The following SYNE1 variants were observed in gnomAD, a reference collection of about 807,000 sequenced individuals.
SYNE1 encodes spectrin repeat containing nuclear envelope protein 1.
Under a neutral mutation model 1,111.0 loss-of-function variants are expected in SYNE1, and 616 were observed. The observed-to-expected ratio is 0.55, with a 90% confidence interval of 0.52 to 0.59. The LOEUF (loss-of-function observed/expected upper bound fraction) is 0.59, where lower values mean the gene tolerates loss of function less well. Among genes scored for constraint, SYNE1 ranks in the 20% least tolerant of loss-of-function variants. The pLI, the probability that SYNE1 is intolerant of heterozygous loss-of-function variation, is 0.00. For missense variants in SYNE1, 10,006 were observed against 10,417.0 expected (o/e 0.96, Z 1.72); for synonymous variants, 3,855 against 3,825.8 (o/e 1.01, Z -0.28).
At chr6:152,272,294 G>A (rs1435989291) in intron 98 of SYNE1, among the ~76,000 whole-genome samples, 3 of 152,192 alleles carry the variant, frequency 2.0e-5, no homozygotes. Flanking sequence ...TCTCTGAGGT[G>A]TGATAACAGT....
At chr6:152,610,696 G>C (rs867749243) in intron 3 of SYNE1, among the ~76,000 whole-genome samples, 2 of 152,148 alleles carry the variant, frequency 1.3e-5, no homozygotes, top group Non-Finnish European at 2.9e-5. Context: ...ATAATTGTCA[G>C]ATTCAGCAAG....
In SYNE1 at chr6:152,627,954, C is replaced by A. The variant is rs547997526; in HGVS notation, c.67+311G>T. The stretch of plus-strand genomic sequence containing the variant: ...ATGTATTGTCACTGGTATTATTGAA[C>A]AACAGCAGCAGTACATTTGACAATA... On this transcript the variant is annotated intron_variant, in intron 3 of 145. Coordinates refer to ENST00000367255, the MANE Select transcript of SYNE1 (RefSeq NM_182961.4). Among the ~76,000 whole-genome samples, 5 of 145,438 alleles carry A rather than the reference C, an allele frequency of 3.4e-5. No homozygotes were observed. In the Admixed American group the frequency reaches 3.6e-4, roughly 10 times the overall value.
intron 8 of SYNE1, among the ~76,000 whole-genome samples, chr6:152,506,855 G>A (rs2099060954): frequency 1.3e-5 from 2 of 152,138 alleles, no homozygotes; most frequent in African/African-American, 4.8e-5. Context: ...GGGATTACAG[G>A]TGTGAGCCAT....
chr6:152,600,572 A>T (rs1006224940), intron 3 of SYNE1, among the ~76,000 whole-genome samples: 1 of 152,194 alleles, frequency 6.6e-6, no homozygotes, highest in African/African-American at 2.4e-5. Flanking sequence ...TTGCTGGCAA[A>T]TAATGCAAAA....
At chr6:152,369,150 T>C in intron 60 of SYNE1, 23 bp from the exon 61 acceptor site, 5 of 1,610,820 alleles carry the variant, frequency 3.1e-6, no homozygotes, top group Non-Finnish European at 4.2e-6. Context: ...AGCAAGTTAC[T>C]ATTCAGAGGC....
intron 130 of SYNE1, chr6:152,168,491 G>C (rs186868539): frequency 3.1e-4 from 109 of 355,992 alleles, no homozygotes; most frequent in Non-Finnish European, 5.0e-4. Context: ...GAAGCTACAG[G>C]TCTAAAGAAA....
intron 3 of SYNE1, among the ~76,000 whole-genome samples, chr6:152,593,337 C>T (rs1212745669): frequency 1.3e-5 from 2 of 152,098 alleles, no homozygotes; most frequent in Non-Finnish European, 2.9e-5. Context: ...GTAATCCCAG[C>T]ACTTTGGGAG....
chr6:152,457,198 CTTA>C (rs2308139), intron 22 of SYNE1, among the ~76,000 whole-genome samples: 32,003 of 151,896 alleles, frequency 0.21, 3,509 homozygotes, highest in East Asian at 0.32. Context: ...TATAGTGCCA[CTTA>C]TTATATGCTA....
At chr6:152,479,523 C>T (rs772733421) in intron 14 of SYNE1, among the ~76,000 whole-genome samples, 1 of 152,148 alleles carries the variant, frequency 6.6e-6, no homozygotes, top group African/African-American at 2.4e-5. Flanking sequence ...GACAACCTGG[C>T]TCATCAGCTA....
chr6:152,623,480 A>T (rs2099679823), intron 3 of SYNE1, among the ~76,000 whole-genome samples: 1 of 152,198 alleles, frequency 6.6e-6, no homozygotes, highest in African/African-American at 2.4e-5. Flanking sequence ...TTACATGATG[A>T]AGATGCCAAA....
Position 152,352,248 on chromosome 6 carries a change from T to G in SYNE1, c.11359A>C (p.Arg3787=). ...TCCATGTGATCATGAATCTCCTTTC[T>G]TAACCTCTCTGCCTCGCCTTCCTCC... ...YLEEGEAERL[R]KEIHDHMEQL... Residue 3787 remains arginine, a synonymous_variant, in exon 70 of 146, where the codon AGA becomes CGA. Coordinates refer to ENST00000367255, the MANE Select transcript of SYNE1 (RefSeq NM_182961.4). 6.2e-7 allele frequency: 1 copy of G among 1,614,170 alleles called. No individual in the cohort carries two copies. The highest frequency in any genetic ancestry group is 8.5e-7 in the Non-Finnish European group (1 of 1,180,010).
At chr6:152,153,112 C>T (rs1389708676) in intron 133 of SYNE1, among the ~76,000 whole-genome samples, 1 of 152,206 alleles carries the variant, frequency 6.6e-6, no homozygotes, top group Non-Finnish European at 1.5e-5. Context: ...TTTTCCTTGG[C>T]TCATCACACT....
intron 14 of SYNE1, among the ~76,000 whole-genome samples, chr6:152,477,572 A>C (rs1055545935): frequency 1.2e-4 from 18 of 152,152 alleles, no homozygotes; most frequent in African/African-American, 4.1e-4. Context: ...AATTGCAACA[A>C]CACCTAATAT....
rs1235810269 is a variant in SYNE1, at chr6:152,166,559, A to G, written c.23628-2234T>C. Among the ~76,000 whole-genome samples, 3 of 152,222 alleles carry G rather than the reference A, an allele frequency of 2.0e-5. No individual in the cohort carries two copies. The East Asian group carries it at 5.8e-4, about 29-fold the overall frequency. ...TGTTCCATAGGACCGTCTACATTAG[A>G]AAAATAAATTACAGGATAGCTTTTG... is the stretch of plus-strand genomic sequence containing the variant. On this transcript the variant is annotated intron_variant, in intron 130 of 145. Coordinates refer to ENST00000367255, the MANE Select transcript of SYNE1 (RefSeq NM_182961.4).
chr6:152,141,469 C>T (rs2058541904), intron 138 of SYNE1, 140 bp from the exon 139 acceptor site: 6 of 1,171,874 alleles, frequency 5.1e-6, no homozygotes, highest in Non-Finnish European at 7.4e-6. Flanking sequence ...AAAAATAAGC[C>T]AAGATGGCCG....
chr6:152,381,358 A>T lies in SYNE1; in HGVS notation c.8657T>A (p.Leu2886Gln), dbSNP rs1177316958. The T allele has an allele frequency of 1.7e-5, 27 of 1,613,102 alleles. No homozygotes were observed. The highest frequency in any genetic ancestry group is 2.3e-5 in the Non-Finnish European group (27 of 1,180,028). Residue 2886 changes from leucine (L) to glutamine (Q), a missense_variant, in exon 56 of 146, where the codon CTG becomes CAG. Physicochemically the swap from Leu to Gln is moderately radical, Grantham distance 113. Coordinates refer to ENST00000367255, the MANE Select transcript of SYNE1 (RefSeq NM_182961.4). Reference sequence around the variant, plus strand: ...TGCACCAATCTCTCTGGAATCTATCAGCTCCTGTAATGGAATATCACCATG... The same window carrying T: ...TGCACCAATCTCTCTGGAATCTATCTGCTCCTGTAATGGAATATCACCATG... The part of the protein sequence containing the change: ...TQKKLSKIKE[L>Q]IDSREIGASR...
At chr6:152,589,825 A>G (rs2099553147) in intron 3 of SYNE1, among the ~76,000 whole-genome samples, 1 of 152,046 alleles carries the variant, frequency 6.6e-6, no homozygotes, top group South Asian at 2.1e-4. Flanking sequence ...TTCAATACAC[A>G]TTCTTTCATA....
At chr6:152,449,006 C>A (rs1423148146) in intron 28 of SYNE1, among the ~76,000 whole-genome samples, 1 of 152,152 alleles carries the variant, frequency 6.6e-6, no homozygotes, top group Non-Finnish European at 1.5e-5. Context: ...TGAGAGAGTG[C>A]CATTTACAGA....
At chr6:152,447,316 C>T in intron 29 of SYNE1, 142 bp downstream of exon 29, 1 of 909,344 alleles carries the variant, frequency 1.1e-6, no homozygotes, top group South Asian at 1.6e-5. Flanking sequence ...CAACAAGCTT[C>T]ATACAAAAAA....
Sources: gnomAD v4.1 joint callset for allele counts (sites outside exome capture counted in the v4.1 genomes callset) on GRCh38, gnomAD v4.1.1 for gene constraint, MANE v1.5 for transcripts, NCBI Gene and HGNC (gene_info 2026-07-23, HGNC 2026-07-21) for gene names.